Variants in TRIM45 observed in about 807,000 individuals in gnomAD.
TRIM45 encodes the protein E3 ubiquitin-protein ligase TRIM45.
In TRIM45, 45 loss-of-function variants were observed where a neutral mutation model predicts 46.7. The ratio of observed to expected loss-of-function variants is 0.96; its 90% CI spans 0.76 to 1.24. TRIM45 has a LOEUF of 1.24. TRIM45 is among the 50% of genes most tolerant of loss of function. The probability of loss-of-function intolerance (pLI) is 0.00; values close to 1 mark genes in which losing one functional copy is unlikely to be tolerated. For synonymous variants in TRIM45, 259 were observed against 285.8 expected, an observed-to-expected ratio of 0.91 and a Z score of 0.94; for missense variants, 680 against 728.4, an observed-to-expected ratio of 0.93 and a Z score of 0.77.
At position 117,121,109 on chromosome 1, in the gene TRIM45, C is replaced by T. The variant is rs1319179317; in HGVS notation, c.93G>A (p.Leu31=). The change falls in exon 1 of 6, where the codon CTG becomes CTA. Residue 31 remains leucine, a synonymous_variant. Transcript: ENST00000256649. The surrounding 1 kb of genome is among the most constrained non-coding windows in gnomAD (Gnocchi z 4.2). Reference sequence around the variant, plus strand: ...TGGGGGCTTTGAAAAGCCCCAAGCACAGGGGGCAGTGAGTCTTGCCTGAGT... The same window carrying T: ...TGGGGGCTTTGAAAAGCCCCAAGCATAGGGGGCAGTGAGTCTTGCCTGAGT... ...LGNSGKTHCP[L]CLGLFKAPRL... is the part of the protein sequence containing the mutation. The T allele has an allele frequency of 6.2e-7, 1 of 1,613,668 alleles. No homozygotes were observed. Among genetic ancestry groups the T allele is most frequent in the Admixed American group, 1.7e-5 (1 of 59,940 alleles).
Position 117,113,545 on chromosome 1 carries a change from G to GC in TRIM45, c.1468-61dup. ...CTTACGAGTTAACAGGATGTGCTGCGCATCACTATGTGCTAAACAGAGTCT... is the reference window on the plus strand; with the variant it reads ...CTTACGAGTTAACAGGATGTGCTGCGCCATCACTATGTGCTAAACAGAGTCT... On this transcript the variant is annotated intron_variant, in intron 4 of 5. Transcript: ENST00000256649. This position sits in a 1 kb window ranked among gnomAD's most constrained non-coding sequence, Gnocchi z 4.0. 6.3e-7 allele frequency: 1 copy of GC among 1,582,234 alleles called. No individual in the cohort carries two copies. The highest frequency in any genetic ancestry group is 8.6e-7 in the Non-Finnish European group (1 of 1,162,180).
chr1:117,120,138 A>G (rs1243180789), intron 1 of TRIM45, among the ~76,000 whole-genome samples: 3 of 152,202 alleles, frequency 2.0e-5, no homozygotes, highest in Admixed American at 2.0e-4. Context: ...GAGTAACTCT[A>G]AGGTACACAA....
Position 117,118,191 on chromosome 1 carries a change from C to T in TRIM45, c.1065G>A (p.Arg355=). The T allele has an allele frequency of 1.2e-6, 2 of 1,614,242 alleles. No homozygotes were observed. Among genetic ancestry groups the T allele is most frequent in the Non-Finnish European group, 1.7e-6 (2 of 1,180,056 alleles). The change falls in exon 2 of 6, where the codon AGG becomes AGA. Residue 355 remains arginine, a synonymous_variant. Coordinates refer to ENST00000256649, the MANE Select transcript of TRIM45 (RefSeq NM_025188.4). This position sits in a 1 kb window ranked among gnomAD's most constrained non-coding sequence, Gnocchi z 5.7. Reference sequence around the variant, plus strand: ...TGCTATATTGAACTTTGTTCAGCTTCCTGAGCCGTTCTACCACCACCCTCT... The same window carrying T: ...TGCTATATTGAACTTTGTTCAGCTTTCTGAGCCGTTCTACCACCACCCTCT... ...ITKRVVVERL[R]KLNKVQYSTR... is the part of the protein sequence containing the mutation.
rs371471708 is a variant in TRIM45, at chr1:117,114,918, T to G, written c.1467+657A>C. Reference sequence around the variant, plus strand: ...ATTTCTGTGGAGGGAAACCTCTGACTACTCCAATGTCAGCAGAGAGATTCT... The same window carrying G: ...ATTTCTGTGGAGGGAAACCTCTGACGACTCCAATGTCAGCAGAGAGATTCT... On this transcript the variant is annotated intron_variant, in intron 4 of 5. Coordinates refer to ENST00000256649, the MANE Select transcript of TRIM45 (RefSeq NM_025188.4). Among the ~76,000 whole-genome samples the G allele has an allele frequency of 4.6e-5, 7 of 152,302 alleles. No homozygotes were observed. In the South Asian group the frequency reaches 6.2e-4, roughly 14 times the overall value.
rs1329409017 is a variant in TRIM45 at position 117,120,985 on chromosome 1, A to G, written c.217T>C (p.Ser73Pro). 4 of 1,614,014 alleles carry G rather than the reference A, an allele frequency of 2.5e-6. No individual in the cohort carries two copies. Among genetic ancestry groups the G allele is most frequent in the Admixed American group, 1.7e-5 (1 of 59,992 alleles). Residue 73 changes from serine to proline, a missense_variant, in exon 1 of 6, where the codon TCT becomes CCT. Transcript: ENST00000256649. The stretch of plus-strand genomic sequence containing the variant: ...AGTTCCTGGAATATTGACCCCTCAG[A>G]GCTTGTGTCAGAGTCTCCCCCTCGG... ...DIRGGDSDTS[S>P]EGSIFQELKP...
upstream of TRIM45, among the ~76,000 whole-genome samples, chr1:117,123,669 G>A (rs1023156595): frequency 7.3e-6 from 1 of 137,470 alleles, no homozygotes; most frequent in Admixed American, 7.6e-5. Context: ...TGCTCTTGTT[G>A]CCTAGGCCGG....
At chr1:117,119,083 A>G (rs1650522952) in intron 1 of TRIM45, among the ~76,000 whole-genome samples, 1 of 152,258 alleles carries the variant, frequency 6.6e-6, no homozygotes, top group Non-Finnish European at 1.5e-5. Context: ...GACAAGAGTC[A>G]CAGTCGGCTT....
Position 117,118,965 on chromosome 1 carries a change from C to A in TRIM45, c.489-198G>T, listed in dbSNP as rs535636147. 3.3e-5 allele frequency among the ~76,000 whole-genome samples: 5 copies of A among 152,342 alleles called. No individual in the cohort carries two copies. In the East Asian group the frequency reaches 7.7e-4, roughly 24 times the overall value. The stretch of plus-strand genomic sequence containing the variant: ...TGGGGACAATACCTACCTGAAAGAG[C>A]TGTTGTATAGAATAACGTGTGAACA... On this transcript the variant is annotated intron_variant, in intron 1 of 5. Transcript: ENST00000256649. This position sits in a 1 kb window ranked among gnomAD's most constrained non-coding sequence, Gnocchi z 5.7.
chr1:117,112,601 G>A (rs1187641122), intron 5 of TRIM45, 148 bp from the exon 6 acceptor site: 6 of 746,558 alleles, frequency 8.0e-6, no homozygotes, highest in East Asian at 2.8e-5. Flanking sequence ...GGAACAAGCT[G>A]TCTGACTGTT....
At chr1:117,123,608 G>A (rs1175242376), upstream of TRIM45, among the ~76,000 whole-genome samples, 1 of 151,584 alleles carries the variant, frequency 6.6e-6, no homozygotes, top group Non-Finnish European at 1.5e-5. Context: ...TTATATTCGG[G>A]CTACCTCTAC....
intron 5 of TRIM45, among the ~76,000 whole-genome samples, chr1:117,112,938 C>A (rs1650273839): frequency 6.6e-6 from 1 of 152,120 alleles, no homozygotes; most frequent in East Asian, 1.9e-4. Flanking sequence ...GACTCCCTAT[C>A]CTTTCTGTCC....
Position 117,112,210 on chromosome 1 carries a change from A to C in TRIM45, c.*95T>G. 3.1e-6 allele frequency: 4 copies of C among 1,273,360 alleles called. No individual in the cohort carries two copies. Among genetic ancestry groups the C allele is most frequent in the Non-Finnish European group, 4.1e-6 (4 of 981,810 alleles). 78.9% of individuals were successfully genotyped at this position (1,273,360 alleles called of 1,614,324 possible). ...TGCAAGATAAGGCACTTTGTTTTTA[A>C]TTCTATCAGTCTCTTTAGAATGAAC... On this transcript the variant is annotated 3_prime_UTR_variant, in exon 6 of 6. Coordinates refer to ENST00000256649, the MANE Select transcript of TRIM45 (RefSeq NM_025188.4).
intron 1 of TRIM45, among the ~76,000 whole-genome samples, chr1:117,119,359 A>G (rs1404195155): frequency 6.6e-6 from 1 of 152,170 alleles, no homozygotes; most frequent in Non-Finnish European, 1.5e-5. Flanking sequence ...TAACCCCAGC[A>G]TTTTGGGAGG....
chr1:117,123,669 G>T (rs1023156595), upstream of TRIM45, among the ~76,000 whole-genome samples: 3 of 137,564 alleles, frequency 2.2e-5, no homozygotes, highest in African/African-American at 8.2e-5. Flanking sequence ...TGCTCTTGTT[G>T]CCTAGGCCGG....
In TRIM45 at chr1:117,121,105, A is replaced by G. The variant is rs138377061; in HGVS notation, c.97T>C (p.Leu33=). 5.2e-5 allele frequency: 84 copies of G among 1,613,720 alleles called. No individual in the cohort carries two copies. The highest frequency in any genetic ancestry group is 6.7e-5 in the Non-Finnish European group (79 of 1,179,874). ...NSGKTHCPLC[L]GLFKAPRLLP... is the part of the protein sequence containing the mutation. Reference sequence around the variant, plus strand: ...AGCCTGGGGGCTTTGAAAAGCCCCAAGCACAGGGGGCAGTGAGTCTTGCCT... The same window carrying G: ...AGCCTGGGGGCTTTGAAAAGCCCCAGGCACAGGGGGCAGTGAGTCTTGCCT... The change falls in exon 1 of 6, where the codon TTG becomes CTG. Residue 33 remains leucine, a synonymous_variant. Coordinates refer to ENST00000256649, the MANE Select transcript of TRIM45 (RefSeq NM_025188.4). This position sits in a 1 kb window ranked among gnomAD's most constrained non-coding sequence, Gnocchi z 4.2.
Position 117,111,474 on chromosome 1 carries a change from G to C in TRIM45, c.*831C>G, listed in dbSNP as rs1041310067. 1 of 152,134 alleles carries C rather than the reference G, an allele frequency of 6.6e-6. No individual in the cohort carries two copies. Among genetic ancestry groups the C allele is most frequent in the Non-Finnish European group, 1.5e-5 (1 of 68,022 alleles). 9.4% of individuals were successfully genotyped at this position (152,134 alleles called of 1,614,324 possible). A position where few individuals can be genotyped will look rare whatever the true frequency, so the allele number is the denominator to read the frequency against. On this transcript the variant is annotated 3_prime_UTR_variant, in exon 6 of 6. Coordinates refer to ENST00000256649, the MANE Select transcript of TRIM45 (RefSeq NM_025188.4). ...GGCTTTGGGGCAGAAGGCTGTCATG[G>C]CATAGAGACGGAGTAGGGGGACACC...
chr1:117,122,173 G>C (rs780984378), upstream of TRIM45: 47 of 227,478 alleles, frequency 2.1e-4, no homozygotes, highest in Admixed American at 2.7e-3. Flanking sequence ...GGATGGCACT[G>C]TCAGTTGGCT....
In TRIM45 at chr1:117,117,616, C is replaced by CA. The variant is rs1375565256; in HGVS notation, c.1222+417dup. ...CCTAAAGGAAAGGAAACCGTAATCTCATCTTCCTCATTCCTCTGAAACTCC... is the reference window on the plus strand; with the variant it reads ...CCTAAAGGAAAGGAAACCGTAATCTCAATCTTCCTCATTCCTCTGAAACTCC... On this transcript the variant is annotated intron_variant, in intron 2 of 5. Transcript: ENST00000256649. The surrounding 1 kb of genome is among the most constrained non-coding windows in gnomAD (Gnocchi z 4.9). Among the ~76,000 whole-genome samples the CA allele has an allele frequency of 6.6e-6, 1 of 152,216 alleles. No individual in the cohort carries two copies. Among genetic ancestry groups the CA allele is most frequent in the Non-Finnish European group, 1.5e-5 (1 of 68,046 alleles).
Position 117,111,408 on chromosome 1 carries a change from ACTTT to A in TRIM45, c.*893_*896del, listed in dbSNP as rs1174923388. 6.6e-6 allele frequency: 1 copy of A among 152,216 alleles called. No homozygotes were observed. The highest frequency in any genetic ancestry group is 1.5e-5 in the Non-Finnish European group (1 of 68,050). The allele number at this position is 152,216 out of a possible 1,614,324, so 9.4% of individuals were successfully genotyped here. A position where few individuals can be genotyped will look rare whatever the true frequency, so the allele number is the denominator to read the frequency against. ...ATTTCAACACCATTCCCCTTTATTAACTTTCTATTTGTATGCCCTTGACCAAAGA... is the reference window on the plus strand; with the variant it reads ...ATTTCAACACCATTCCCCTTTATTAACTATTTGTATGCCCTTGACCAAAGA... On this transcript the variant is annotated 3_prime_UTR_variant, in exon 6 of 6. Coordinates refer to ENST00000256649, the MANE Select transcript of TRIM45 (RefSeq NM_025188.4).
Sources: gnomAD v4.1 joint callset for allele counts (sites outside exome capture counted in the v4.1 genomes callset) on GRCh38, gnomAD v4.1.1 for gene constraint, Gnocchi (gnomAD v3.1) non-coding constraint, MANE v1.5 for transcripts, NCBI Gene and HGNC (gene_info 2026-07-23, HGNC 2026-07-21) for gene names.